PCED1B: variants seen among roughly 807,000 people sequenced by gnomAD.
PCED1B encodes PC-esterase domain-containing protein 1B.
For synonymous variants in PCED1B, 251 were observed against 246.1 expected, an observed-to-expected ratio of 1.02 and a Z score of -0.19; for missense variants, 573 against 573.9, an observed-to-expected ratio of 1.00 and a Z score of 0.02.
intron 2 of PCED1B, among the ~76,000 whole-genome samples, chr12:47,145,739 C>T (rs574607573): frequency 4.9e-4 from 75 of 152,326 alleles, no homozygotes; most frequent in African/African-American, 1.3e-3. Flanking sequence ...AGACCTATTA[C>T]TCAGAAATAT....
intron 1 of PCED1B, among the ~76,000 whole-genome samples, chr12:47,101,452 A>T (rs1159260419): frequency 6.6e-6 from 1 of 152,182 alleles, no homozygotes; most frequent in Non-Finnish European, 1.5e-5. Flanking sequence ...TCAATGACTG[A>T]GCCTTTTCCT....
At chr12:47,154,093 C>T (rs985977134) in intron 2 of PCED1B, among the ~76,000 whole-genome samples, 7 of 152,206 alleles carry the variant, frequency 4.6e-5, no homozygotes, top group African/African-American at 1.7e-4. Context: ...GCAAGCAAGG[C>T]GCTGACTGCC....
chr12:47,133,029 A>G (rs1284433640), intron 2 of PCED1B, among the ~76,000 whole-genome samples: 1 of 152,200 alleles, frequency 6.6e-6, no homozygotes, highest in Non-Finnish European at 1.5e-5. Context: ...TTCAAAATAC[A>G]ATATATAAGA....
At chr12:47,084,088 C>CA (rs921927897) in intron 1 of PCED1B, among the ~76,000 whole-genome samples, 2 of 151,782 alleles carry the variant, frequency 1.3e-5, no homozygotes, top group Non-Finnish European at 2.9e-5. Context: ...GATTACATTC[C>CA]AAAAAAAACT....
intron 2 of PCED1B, among the ~76,000 whole-genome samples, chr12:47,118,426 A>G (rs1592161170): frequency 6.6e-6 from 1 of 152,190 alleles, no homozygotes; most frequent in Non-Finnish European, 1.5e-5. Flanking sequence ...CAGTTTTCCC[A>G]GCACCATTTA....
At chr12:47,140,165 C>A (rs1163517277) in intron 2 of PCED1B, among the ~76,000 whole-genome samples, 1 of 152,162 alleles carries the variant, frequency 6.6e-6, no homozygotes, top group Non-Finnish European at 1.5e-5. Flanking sequence ...TTTTGCTTAT[C>A]AAATAATCTA....
At chr12:47,217,440 G>GAAAA in intron 3 of PCED1B, among the ~76,000 whole-genome samples, 1 of 32,852 alleles carries the variant, frequency 3.0e-5, no homozygotes, top group Non-Finnish European at 5.1e-5. Context: ...GAAAAAAAAA[G>GAAAA]AAAGAAAGAA....
At chr12:47,215,655 T>C (rs1478192823) in intron 2 of PCED1B, among the ~76,000 whole-genome samples, 1 of 152,218 alleles carries the variant, frequency 6.6e-6, no homozygotes, top group Non-Finnish European at 1.5e-5. Context: ...CTCTGCCACA[T>C]ACTGGATCTA....
Position 47,235,875 on chromosome 12 carries a change from C to G in PCED1B, c.812C>G (p.Pro271Arg). The change falls in exon 4 of 4, where the codon CCT (proline) becomes CGT (arginine). Residue 271 changes from proline (P) to arginine (R), a missense_variant. By Grantham distance (103) the Pro-to-Arg change is moderately radical. Coordinates refer to ENST00000546455, the MANE Select transcript of PCED1B (RefSeq NM_138371.3). ...GGCGAGTGGATCAAGAAGAAAAAAC[C>G]TGGCCCGAGAGTCGAAGGGCCGCCC... ...PVGEWIKKKK[P>R]GPRVEGPPQA... 1.3e-6 allele frequency: 2 copies of G among 1,584,312 alleles called. No homozygotes were observed. The highest frequency in any genetic ancestry group is 3.3e-4 in the Middle Eastern group (2 of 6,020).
intron 3 of PCED1B, among the ~76,000 whole-genome samples, chr12:47,232,097 T>A (rs2137901032): frequency 6.6e-6 from 1 of 152,352 alleles, no homozygotes; most frequent in Middle Eastern, 3.4e-3. Flanking sequence ...GAGCATATAG[T>A]AGGCACTTAT....
Position 47,236,282 on chromosome 12 carries a change from G to A in PCED1B, c.1219G>A (p.Gly407Ser). ...HRGFGRYRPR[G>S]PYTPWGQRPR... ...GGGTTTTGGCAGGTATCGTCCCCGTGGCCCCTATACGCCCTGGGGACAGCG... is the reference window on the plus strand; with the variant it reads ...GGGTTTTGGCAGGTATCGTCCCCGTAGCCCCTATACGCCCTGGGGACAGCG... Residue 407 changes from glycine to serine, a missense_variant, in exon 4 of 4, where the codon GGC (glycine) becomes AGC (serine). Physicochemically the swap from Gly to Ser is moderately conservative, Grantham distance 56. Coordinates refer to ENST00000546455, the MANE Select transcript of PCED1B (RefSeq NM_138371.3). The A allele has an allele frequency of 6.2e-7, 1 of 1,614,118 alleles. No homozygotes were observed. The highest frequency in any genetic ancestry group is 8.5e-7 in the Non-Finnish European group (1 of 1,180,014).
At chr12:47,097,438 G>C (rs1057337302) in intron 1 of PCED1B, among the ~76,000 whole-genome samples, 4 of 152,196 alleles carry the variant, frequency 2.6e-5, no homozygotes, top group African/African-American at 9.6e-5. Flanking sequence ...CCACGCCTAA[G>C]GGAAGAAGGG....
At position 47,187,600 on chromosome 12, in the gene PCED1B, T is replaced by C. The variant is rs950643578; in HGVS notation, c.-525-28622T>C. Among the ~76,000 whole-genome samples the C allele has an allele frequency of 6.6e-5, 10 of 152,280 alleles. No homozygotes were observed. The South Asian group carries it at 1.7e-3, about 25-fold the overall frequency. ...GTGTCAATATTTTAAAATATATTTT[T>C]TCATAGCTAAAATTAGAACTAAACA... On this transcript the variant is annotated intron_variant, in intron 2 of 3. Transcript: ENST00000546455.
chr12:47,082,658 T>C (rs970117221), intron 1 of PCED1B, among the ~76,000 whole-genome samples: 1 of 152,228 alleles, frequency 6.6e-6, no homozygotes, highest in Non-Finnish European at 1.5e-5. Context: ...ATTTCATTTA[T>C]TGCTCACCAC....
At chr12:47,162,444 A>G (rs183509975) in intron 2 of PCED1B, among the ~76,000 whole-genome samples, 80 of 152,274 alleles carry the variant, frequency 5.3e-4, no homozygotes, top group African/African-American at 1.9e-3. Context: ...TGCAGTGTGT[A>G]CAAGAAGTTT....
chr12:47,152,448 C>G (rs146773970), intron 2 of PCED1B, among the ~76,000 whole-genome samples: 25 of 152,212 alleles, frequency 1.6e-4, no homozygotes, highest in African/African-American at 6.0e-4. Context: ...TTGAAAGACT[C>G]TTCATAATAT....
intron 2 of PCED1B, among the ~76,000 whole-genome samples, chr12:47,139,767 GAT>G (rs146197082): frequency 0.033 from 5,090 of 152,192 alleles, 117 homozygotes; most frequent in Middle Eastern, 0.071. Flanking sequence ...TGATGTGAGA[GAT>G]ATGTGTGCAT....
intron 2 of PCED1B, among the ~76,000 whole-genome samples, chr12:47,163,232 T>C (rs1393318172): frequency 1.3e-5 from 2 of 152,250 alleles, no homozygotes; most frequent in Non-Finnish European, 2.9e-5. Context: ...TTTTAGTGTA[T>C]AGAAATGCAA....
chr12:47,214,344 T>TA (rs1420271336), intron 2 of PCED1B, among the ~76,000 whole-genome samples: 2 of 152,172 alleles, frequency 1.3e-5, no homozygotes, highest in African/African-American at 2.4e-5. Context: ...AGCATACTAT[T>TA]AAAAAAAGCT....
Sources: allele counts gnomAD v4.1 joint callset (sites outside exome capture counted in the v4.1 genomes callset), GRCh38; gene constraint gnomAD v4.1.1; transcripts MANE v1.5; gene names NCBI Gene and HGNC (gene_info 2026-07-23, HGNC 2026-07-21).